Variants in PCDHA7 observed in about 807,000 individuals in gnomAD.
PCDHA7 encodes the protein protocadherin alpha-7.
PCDHA7 carries 37 observed loss-of-function variants against 57.2 expected under a neutral mutation model. That is an observed-to-expected ratio of 0.65 (90% CI 0.50 to 0.85). The LOEUF (loss-of-function observed/expected upper bound fraction) is 0.85. Ranked by LOEUF, PCDHA7 falls within the 40% of genes least tolerant of loss-of-function variation. The pLI is 0.00. For missense variants in PCDHA7, 1,188 were observed against 1,241.8 expected (o/e 0.96, Z 0.65); for synonymous variants, 553 against 558.8 (o/e 0.99, Z 0.15).
At chr5:140,870,921 T>G (rs2052546739) in intron 1 of PCDHA7, 1 of 1,613,894 alleles carries the variant, frequency 6.2e-7, no homozygotes, top group South Asian at 1.1e-5. Flanking sequence ...ACGCGTGGCT[T>G]TCATATGAAT....
chr5:140,870,898 G>A (rs781950776), intron 1 of PCDHA7: 124 of 1,613,858 alleles, frequency 7.7e-5, no homozygotes, highest in Non-Finnish European at 1.0e-4. Flanking sequence ...AGTGGATGCG[G>A]ACTCAGGCTA....
rs2150445879 is a variant in PCDHA7 at position 140,849,707 on chromosome 5, C to G, written c.2355+12969C>G. Reference sequence around the variant, plus strand: ...AGCTGGTGTCCACCTACAAGAATTACTACTCGTTGGTGCTGGACAGAGCTC... The same window carrying G: ...AGCTGGTGTCCACCTACAAGAATTAGTACTCGTTGGTGCTGGACAGAGCTC... On this transcript the variant is annotated intron_variant, in intron 1 of 3. Coordinates refer to ENST00000525929, the MANE Select transcript of PCDHA7 (RefSeq NM_018910.3). The G allele has an allele frequency of 3.1e-6, 5 of 1,598,540 alleles. No homozygotes were observed. The South Asian group carries it at 3.3e-5, about 11-fold the overall frequency.
chr5:140,914,073 C>G (rs1314205032), intron 1 of PCDHA7, among the ~76,000 whole-genome samples: 1 of 152,122 alleles, frequency 6.6e-6, no homozygotes, highest in Non-Finnish European at 1.5e-5. Flanking sequence ...TGCTCCATAA[C>G]TATCTATTAG....
intron 1 of PCDHA7, chr5:140,857,668 C>T (rs1319713687): frequency 6.3e-7 from 1 of 1,596,856 alleles, no homozygotes. Flanking sequence ...GCGATGGGGG[C>T]GTGCCGCCTC....
Position 140,926,930 on chromosome 5 carries a change from T to A in PCDHA7, c.2356-52019T>A, listed in dbSNP as rs1554203828. On this transcript the variant is annotated intron_variant, in intron 1 of 3. Coordinates refer to ENST00000525929, the MANE Select transcript of PCDHA7 (RefSeq NM_018910.3). ...GGGGTGGCAGTTTTATGTTTGTGGG[T>A]TTCCTGCGGCGCTGCAGCGGGACAG... 6 of 1,575,058 alleles carry A rather than the reference T, an allele frequency of 3.8e-6. No individual in the cohort carries two copies. The East Asian group carries it at 1.4e-4, about 35-fold the overall frequency.
chr5:140,925,166 A>G (rs2082364629), intron 1 of PCDHA7, among the ~76,000 whole-genome samples: 1 of 152,126 alleles, frequency 6.6e-6, no homozygotes, highest in Admixed American at 6.5e-5. Context: ...GAATTGTGTA[A>G]TTGACCCCAA....
At chr5:140,893,762 T>A (rs1337056301) in intron 1 of PCDHA7, among the ~76,000 whole-genome samples, 1 of 152,196 alleles carries the variant, frequency 6.6e-6, no homozygotes, top group Non-Finnish European at 1.5e-5. Context: ...TATAGGTGAC[T>A]TGTCACTTTT....
chr5:141,006,365 C>A, intron 3 of PCDHA7, among the ~76,000 whole-genome samples: 1 of 151,966 alleles, frequency 6.6e-6, no homozygotes, highest in East Asian at 1.9e-4. Flanking sequence ...GCGCCCACCA[C>A]CACGCCCGGC....
At chr5:140,880,297 AG>A (rs1554171244) in intron 1 of PCDHA7, among the ~76,000 whole-genome samples, 1 of 152,250 alleles carries the variant, frequency 6.6e-6, no homozygotes, top group Admixed American at 6.5e-5. Context: ...TCATAGTGTG[AG>A]TGAAAGAAAC....
At chr5:140,929,349 A>G in intron 1 of PCDHA7, 1 of 1,530,382 alleles carries the variant, frequency 6.5e-7, no homozygotes, top group Non-Finnish European at 8.8e-7. Context: ...ATGGAATTTG[A>G]TTCCTTTGGC....
intron 1 of PCDHA7, among the ~76,000 whole-genome samples, chr5:140,951,019 G>A (rs555662052): frequency 2.0e-5 from 3 of 152,114 alleles, no homozygotes; most frequent in African/African-American, 7.2e-5. Context: ...ATCAGGCAGT[G>A]AGTTTTAATT....
At chr5:140,898,450 C>G (rs1276825221) in intron 1 of PCDHA7, among the ~76,000 whole-genome samples, 4 of 152,148 alleles carry the variant, frequency 2.6e-5, no homozygotes, top group Non-Finnish European at 4.4e-5. Flanking sequence ...ATAGGGAATC[C>G]TTTCCCCATT....
In PCDHA7 at chr5:140,870,942, G is replaced by A. The variant is rs782286042; in HGVS notation, c.2355+34204G>A. ...GGCTTTCATATGAATTGCAGCCGGC[G>A]GCGGGCGGCTCGCGCATCCCGTTCC... On this transcript the variant is annotated intron_variant, in intron 1 of 3. Transcript: ENST00000525929. The A allele has an allele frequency of 5.0e-6, 8 of 1,613,740 alleles. No individual in the cohort carries two copies. The Admixed American group carries it at 6.7e-5, about 13-fold the overall frequency.
At chr5:140,870,925 T>A (rs1554164841) in intron 1 of PCDHA7, 1 of 1,613,916 alleles carries the variant, frequency 6.2e-7, no homozygotes, top group South Asian at 1.1e-5. Flanking sequence ...GTGGCTTTCA[T>A]ATGAATTGCA....
chr5:140,882,111 C>A, intron 1 of PCDHA7: 1 of 1,379,348 alleles, frequency 7.2e-7, no homozygotes, highest in Non-Finnish European at 9.8e-7. Context: ...GCGAAGAAAG[C>A]CGCCGTTTCT....
intron 3 of PCDHA7, among the ~76,000 whole-genome samples, chr5:140,990,875 G>A: frequency 6.6e-6 from 1 of 152,198 alleles, no homozygotes; most frequent in East Asian, 1.9e-4. Flanking sequence ...TTAAGTGTAT[G>A]TTCCAGTGAG....
intron 1 of PCDHA7, chr5:140,860,476 G>A (rs1456923557): frequency 3.9e-5 from 6 of 152,106 alleles, no homozygotes; most frequent in Non-Finnish European, 8.8e-5. Context: ...TGGTGCAGTA[G>A]TACTTTATTT....
chr5:140,876,376 A>G (rs2056310624), intron 1 of PCDHA7: 1 of 1,613,840 alleles, frequency 6.2e-7, no homozygotes, highest in African/African-American at 1.3e-5. Flanking sequence ...CACAGGTGAA[A>G]TTAGAATTTA....
intron 1 of PCDHA7, among the ~76,000 whole-genome samples, chr5:140,923,065 TCTC>T: frequency 6.6e-6 from 1 of 152,304 alleles, no homozygotes; most frequent in Non-Finnish European, 1.5e-5. Context: ...AAGAGCTAGG[TCTC>T]CTCATGTCAG....
Sources: gnomAD v4.1 joint callset for allele counts (sites outside exome capture counted in the v4.1 genomes callset) on GRCh38, gnomAD v4.1.1 for gene constraint, MANE v1.5 for transcripts, NCBI Gene and HGNC (gene_info 2026-07-23, HGNC 2026-07-21) for gene names.